Variants in SCAF8 observed in about 807,000 individuals in gnomAD.
The protein encoded by SCAF8 is SR-related and CTD-associated factor 8.
A neutral mutation model predicts 140.5 loss-of-function variants in SCAF8; 23 were observed. That is an observed-to-expected ratio of 0.16 (90% CI 0.12 to 0.23). The LOEUF is 0.23. SCAF8 is among the 10% of genes least tolerant of loss of function. SCAF8 has a pLI of 1.00. For synonymous variants in SCAF8, 575 were observed against 528.9 expected (o/e 1.09, Z -1.20); for missense variants, 1,397 against 1,555.7 (o/e 0.90, Z 1.72).
At chr6:154,746,583 A>T (rs970171784) in intron 1 of SCAF8, among the ~76,000 whole-genome samples, 1 of 152,190 alleles carries the variant, frequency 6.6e-6, no homozygotes, top group Non-Finnish European at 1.5e-5. Context: ...TATCTACAAT[A>T]TATTTACTTA....
At chr6:154,788,045 T>G (rs920038813) in intron 4 of SCAF8, 23 bp downstream of exon 4, 51 of 1,578,980 alleles carry the variant, frequency 3.2e-5, no homozygotes, top group Non-Finnish European at 3.9e-5. Context: ...TTTTTTTTTT[T>G]TGTTTTTTTA....
Position 154,750,380 on chromosome 6 carries a change from G to A in SCAF8, c.30+16450G>A, listed in dbSNP as rs567227762. 6.3e-4 allele frequency among the ~76,000 whole-genome samples: 96 copies of A among 152,280 alleles called. 5 individuals carry two copies. The South Asian group carries it at 0.017, about 27-fold the overall frequency. On this transcript the variant is annotated intron_variant, in intron 1 of 19. Transcript: ENST00000367178. ...AGGGGACCGTGTAGTTGTTTAGGGT[G>A]ATAATGTAGGGAAAGAAGAGAAGCC...
chr6:154,791,260 TA>T (rs1273340591), intron 4 of SCAF8, among the ~76,000 whole-genome samples: 3 of 152,230 alleles, frequency 2.0e-5, no homozygotes. Flanking sequence ...TAAATACTGC[TA>T]ATTATGTTAC....
At position 154,792,938 on chromosome 6, in the gene SCAF8, T is replaced by C; in HGVS notation, c.437T>C (p.Val146Ala). 6.2e-7 allele frequency: 1 copy of C among 1,613,892 alleles called. No homozygotes were observed. The highest frequency in any genetic ancestry group is 8.5e-7 in the Non-Finnish European group (1 of 1,179,868). The change falls in exon 5 of 20, where the codon GTT (valine) becomes GCT (alanine). Residue 146 changes from valine to alanine, a missense_variant. This residue lies in a region of SCAF8 where 339 missense variants were observed against 407.5 expected (regional missense o/e 0.83). Transcript: ENST00000367178. ...AGIPPPVVTP[V>A]LASTTTAMSN... ...ATTCCGCCTCCAGTTGTCACACCTG[T>C]TTTGGCCAGCACTACCACTGCTATG...
In SCAF8 at chr6:154,832,314, G is replaced by T. The variant is rs1778769317; in HGVS notation, c.2735G>T (p.Ser912Ile). The T allele has an allele frequency of 6.2e-7, 1 of 1,613,848 alleles. No individual in the cohort carries two copies. Among genetic ancestry groups the T allele is most frequent in the Non-Finnish European group, 8.5e-7 (1 of 1,180,010 alleles). The change falls in exon 20 of 20, where the codon AGT becomes ATT. Residue 912 changes from serine (S) to isoleucine (I), a missense_variant. This residue lies in a region of SCAF8 where 930 missense variants were observed against 874.6 expected (regional missense o/e 1.06). Transcript: ENST00000367178. ...PAGPQNLPPL[S>I]IPNQRMPTMP... is the part of the protein sequence containing the mutation. ...GGACCTCAAAACTTACCCCCTTTAA[G>T]TATCCCTAATCAAAGGATGCCCACA...
intron 1 of SCAF8, among the ~76,000 whole-genome samples, chr6:154,773,764 C>T (rs1455590678): frequency 6.6e-6 from 1 of 152,188 alleles, no homozygotes; most frequent in Non-Finnish European, 1.5e-5. Flanking sequence ...CACATCCTTG[C>T]TTACACTTGT....
chr6:154,738,252 G>C (rs1778480414), intron 1 of SCAF8, among the ~76,000 whole-genome samples: 2 of 151,666 alleles, frequency 1.3e-5, no homozygotes, highest in Admixed American at 6.6e-5. Flanking sequence ...TCTGCAAACT[G>C]TGGATGAGTT....
intron 4 of SCAF8, 55 bp downstream of exon 4, chr6:154,788,077 T>C (rs1777306250): frequency 7.0e-7 from 1 of 1,423,374 alleles, no homozygotes; most frequent in African/African-American, 1.4e-5. Context: ...AGTAGCCTCT[T>C]GGTCTTAATT....
At chr6:154,763,113 T>C (rs1776455195) in intron 1 of SCAF8, among the ~76,000 whole-genome samples, 1 of 152,222 alleles carries the variant, frequency 6.6e-6, no homozygotes, top group African/African-American at 2.4e-5. Flanking sequence ...TTTTATCACG[T>C]TTCCATTTTC....
chr6:154,787,723 G>C (rs1777294156), intron 3 of SCAF8, 138 bp from the exon 4 acceptor site: 1 of 634,530 alleles, frequency 1.6e-6, no homozygotes, highest in Non-Finnish European at 2.6e-6. Flanking sequence ...GATGATATTG[G>C]AGTAGTCAAT....
rs777801547 is a variant in SCAF8 at position 154,802,054 on chromosome 6, T to C, written c.690T>C (p.Val230=). Residue 230 remains valine, a synonymous_variant, in exon 7 of 20, where the codon GTT becomes GTC. Transcript: ENST00000367178. ...SILQALDAGL[V]VQLQALTAQL... is the part of the protein sequence containing the mutation. ...TGCAGGCCCTAGATGCTGGTCTTGTTGTTCAGTTGCAAGCTCTTACGGCAC... is the reference window on the plus strand; with the variant it reads ...TGCAGGCCCTAGATGCTGGTCTTGTCGTTCAGTTGCAAGCTCTTACGGCAC... The C allele has an allele frequency of 6.2e-7, 1 of 1,613,596 alleles. No homozygotes were observed. Among genetic ancestry groups the C allele is most frequent in the Non-Finnish European group, 8.5e-7 (1 of 1,179,662 alleles).
intron 1 of SCAF8, among the ~76,000 whole-genome samples, chr6:154,743,362 C>T (rs1384550189): frequency 6.6e-6 from 1 of 152,146 alleles, no homozygotes; most frequent in African/African-American, 2.4e-5. Flanking sequence ...TTGTAAAATA[C>T]AGCTTTAAGA....
chr6:154,822,209 G>T, intron 15 of SCAF8, 67 bp from the exon 16 acceptor site: 1 of 1,494,352 alleles, frequency 6.7e-7, no homozygotes, highest in South Asian at 1.3e-5. Flanking sequence ...TGAAATAAAT[G>T]AATACAAAGA....
chr6:154,766,121 C>A (rs1227539341), intron 1 of SCAF8, among the ~76,000 whole-genome samples: 2 of 152,022 alleles, frequency 1.3e-5, no homozygotes, highest in Admixed American at 1.3e-4. Context: ...AGTATACTTA[C>A]TATTCATTAA....
intron 1 of SCAF8, among the ~76,000 whole-genome samples, chr6:154,772,099 G>A (rs1256772284): frequency 6.6e-6 from 1 of 152,144 alleles, no homozygotes; most frequent in Non-Finnish European, 1.5e-5. Context: ...AAAATGAGTA[G>A]AATTGAATGC....
In SCAF8 at chr6:154,808,680, T is replaced by G. The variant is rs1444493930; in HGVS notation, c.1114-6T>G. The stretch of plus-strand genomic sequence containing the variant: ...CTGTTTGTTTGCTGTTCTTTTGACT[T>G]TCAAGGATATGGATATAGATGAAGG... On this transcript the variant is annotated splice_polypyrimidine_tract_variant and splice_region_variant and intron_variant, in intron 10 of 19. Transcript: ENST00000367178. 1 of 1,576,586 alleles carries G rather than the reference T, an allele frequency of 6.3e-7. No individual in the cohort carries two copies. The highest frequency in any genetic ancestry group is 1.1e-5 in the South Asian group (1 of 90,282).
At chr6:154,737,578 T>G (rs1199384359) in intron 1 of SCAF8, among the ~76,000 whole-genome samples, 1 of 151,450 alleles carries the variant, frequency 6.6e-6, no homozygotes, top group Non-Finnish European at 1.5e-5. Flanking sequence ...CCAACATGGG[T>G]GAAGGGGGTG....
At chr6:154,822,708 A>G (rs1455907750) in intron 16 of SCAF8, among the ~76,000 whole-genome samples, 4 of 152,242 alleles carry the variant, frequency 2.6e-5, no homozygotes, top group African/African-American at 9.6e-5. Flanking sequence ...ATAGAACAGT[A>G]AGTTATTTTA....
intron 15 of SCAF8, among the ~76,000 whole-genome samples, chr6:154,820,766 T>C (rs770094704): frequency 1.3e-5 from 2 of 152,212 alleles, no homozygotes; most frequent in South Asian, 2.1e-4. Context: ...TACAATGTTA[T>C]ATACTTTCTG....
Sources: allele counts gnomAD v4.1 joint callset (sites outside exome capture counted in the v4.1 genomes callset), GRCh38; gene constraint gnomAD v4.1.1; regional missense constraint gnomAD v4.1.1; transcripts MANE v1.5; gene names NCBI Gene and HGNC (gene_info 2026-07-23, HGNC 2026-07-21).